The following CACNA2D3 variants were observed in gnomAD, a reference collection of about 807,000 sequenced individuals.
CACNA2D3 encodes the protein voltage-dependent calcium channel subunit alpha-2/delta-3.
CACNA2D3 carries 60 observed loss-of-function variants against 160.6 expected under a neutral mutation model. That is an observed-to-expected ratio of 0.37 (90% CI 0.30 to 0.46). The LOEUF (loss-of-function observed/expected upper bound fraction) is 0.46. CACNA2D3 is among the 20% of genes least tolerant of loss of function. CACNA2D3 has a pLI of 1.00. For missense variants in CACNA2D3, 1,205 were observed against 1,365.0 expected, an observed-to-expected ratio of 0.88 and a Z score of 1.85; for synonymous variants, 558 against 492.9, an observed-to-expected ratio of 1.13 and a Z score of -1.75.
intron 9 of CACNA2D3, among the ~76,000 whole-genome samples, chr3:54,591,036 T>A (rs1702849485): frequency 6.6e-6 from 1 of 152,198 alleles, no homozygotes; most frequent in African/African-American, 2.4e-5. Flanking sequence ...GGGATATGTT[T>A]AAATAATGCT....
chr3:55,033,715 A>ATAAAATATAAATAAAATAT (rs1703731248), intron 35 of CACNA2D3, among the ~76,000 whole-genome samples: 1 of 129,486 alleles, frequency 7.7e-6, no homozygotes, highest in Admixed American at 9.4e-5. Context: ...TATAATATAT[A>ATAAAATATAAATAAAATAT]TTATATATTA....
Position 54,313,671 on chromosome 3 carries a change from G to A in CACNA2D3, c.205-6771G>A, listed in dbSNP as rs1033385190. 2.6e-5 allele frequency among the ~76,000 whole-genome samples: 4 copies of A among 152,122 alleles called. No individual in the cohort carries two copies. The South Asian group carries it at 6.2e-4, about 24-fold the overall frequency. ...GGCAGTGAGCACTTCCTTGAGCCCC[G>A]GGAGTCTCCCCTCTGGACTTCCCTC... On this transcript the variant is annotated intron_variant, in intron 2 of 37. Transcript: ENST00000474759.
At chr3:55,056,892 G>T (rs1308688233) in intron 35 of CACNA2D3, among the ~76,000 whole-genome samples, 3 of 152,120 alleles carry the variant, frequency 2.0e-5, no homozygotes, top group East Asian at 1.9e-4. Flanking sequence ...GCACATCATG[G>T]TGAATATAGT....
chr3:54,242,932 A>T lies in CACNA2D3; in HGVS notation c.205-77510A>T, dbSNP rs139876207. The stretch of plus-strand genomic sequence containing the variant: ...CTCAGGCAAGCAGGGAATTTTGAAG[A>T]TGACTGACAGTAAAGCACCTTTAAC... On this transcript the variant is annotated intron_variant, in intron 2 of 37. Transcript: ENST00000474759. 3.6e-4 allele frequency among the ~76,000 whole-genome samples: 55 copies of T among 152,324 alleles called. No homozygotes were observed. The East Asian group carries it at 0.01, about 29-fold the overall frequency.
intron 11 of CACNA2D3, among the ~76,000 whole-genome samples, chr3:54,744,775 G>A (rs1300904792): frequency 1.3e-5 from 2 of 152,192 alleles, no homozygotes; most frequent in Non-Finnish European, 2.9e-5. Flanking sequence ...TGAAATGTGA[G>A]TGGGATGCAA....
intron 5 of CACNA2D3, among the ~76,000 whole-genome samples, chr3:54,508,451 C>A (rs6808154): frequency 0.87 from 131,704 of 152,178 alleles, 58,897 homozygotes; most frequent in Non-Finnish European, 0.98. Context: ...AGAGAGCAAG[C>A]TCCAGTGAGC....
At chr3:55,046,304 A>G (rs1575450347) in intron 35 of CACNA2D3, among the ~76,000 whole-genome samples, 1 of 110,050 alleles carries the variant, frequency 9.1e-6, no homozygotes, top group African/African-American at 3.8e-5. Flanking sequence ...TCCTGTGTCC[A>G]TGTGACCTCA....
chr3:55,073,535 C>A lies in CACNA2D3; in HGVS notation c.3078C>A (p.Thr1026=). The stretch of plus-strand genomic sequence containing the variant: ...TCTGTGAATCTGTGGCCCCCATCAC[C>A]ATGGCACCCATTGAAATCAGGTATA... ...SCLCESVAPI[T]MAPIEIRYNE... Residue 1026 remains threonine, a synonymous_variant, in exon 36 of 38, where the codon ACC becomes ACA. Coordinates refer to ENST00000474759, the MANE Select transcript of CACNA2D3 (RefSeq NM_018398.3). The A allele has an allele frequency of 1.2e-6, 2 of 1,613,764 alleles. No homozygotes were observed. Among genetic ancestry groups the A allele is most frequent in the Non-Finnish European group, 1.7e-6 (2 of 1,179,696 alleles).
intron 35 of CACNA2D3, among the ~76,000 whole-genome samples, chr3:55,021,651 A>G (rs1703454124): frequency 7.9e-6 from 1 of 126,670 alleles, no homozygotes; most frequent in African/African-American, 3.0e-5. Flanking sequence ...ATATGTGTAT[A>G]TATATATGTG....
At chr3:54,836,562 TTACCTTCTTCA>T (rs1446669038) in intron 14 of CACNA2D3, among the ~76,000 whole-genome samples, 2 of 152,188 alleles carry the variant, frequency 1.3e-5, no homozygotes, top group Non-Finnish European at 1.5e-5. Context: ...AGAGAAATGA[TTACCTTCTTCA>T]TCATGATTTT....
In CACNA2D3 at chr3:54,381,688, T is replaced by C. The variant is rs1699105519; in HGVS notation, c.322-5027T>C. On this transcript the variant is annotated intron_variant, in intron 3 of 37. Coordinates refer to ENST00000474759, the MANE Select transcript of CACNA2D3 (RefSeq NM_018398.3). ...GTTGTGCGGATATACATAGGGTCAT[T>C]GTAACAAGAAATAAGATGTGATTTT... Among the ~76,000 whole-genome samples the C allele has an allele frequency of 2.0e-5, 3 of 152,282 alleles. No individual in the cohort carries two copies. In the South Asian group the frequency reaches 6.2e-4, roughly 32 times the overall value.
intron 4 of CACNA2D3, among the ~76,000 whole-genome samples, chr3:54,392,836 C>T (rs1699304651): frequency 1.3e-5 from 2 of 152,168 alleles, no homozygotes; most frequent in South Asian, 2.1e-4. Context: ...AGCCCCAGCA[C>T]TCAGTGTAGA....
At chr3:54,333,656 C>T (rs1337098843) in intron 3 of CACNA2D3, among the ~76,000 whole-genome samples, 2 of 151,134 alleles carry the variant, frequency 1.3e-5, no homozygotes, top group Non-Finnish European at 2.9e-5. Flanking sequence ...CTGGGAAGTG[C>T]AGCCGCCTCT....
At chr3:54,230,988 G>A (rs1701759203) in intron 2 of CACNA2D3, among the ~76,000 whole-genome samples, 1 of 152,170 alleles carries the variant, frequency 6.6e-6, no homozygotes, top group Non-Finnish European at 1.5e-5. Context: ...TGATGATGGG[G>A]ACACATGGTG....
At chr3:54,317,987 A>C (rs1311583689) in intron 2 of CACNA2D3, among the ~76,000 whole-genome samples, 1 of 152,224 alleles carries the variant, frequency 6.6e-6, no homozygotes, top group Non-Finnish European at 1.5e-5. Context: ...TTGGGGATTA[A>C]GTTTCCAATA....
intron 11 of CACNA2D3, among the ~76,000 whole-genome samples, chr3:54,674,879 T>A (rs1001307597): frequency 2.6e-5 from 4 of 151,962 alleles, no homozygotes; most frequent in Non-Finnish European, 5.9e-5. Flanking sequence ...GCAGTAGAAG[T>A]CGGGTAGAAG....
chr3:54,205,373 G>T (rs1701256815), intron 2 of CACNA2D3, among the ~76,000 whole-genome samples: 1 of 152,186 alleles, frequency 6.6e-6, no homozygotes, highest in Non-Finnish European at 1.5e-5. Context: ...GATTACAGGT[G>T]TGATCCACTG....
chr3:54,164,081 A>G (rs2107300994), intron 2 of CACNA2D3, among the ~76,000 whole-genome samples: 1 of 152,304 alleles, frequency 6.6e-6, no homozygotes, highest in Non-Finnish European at 1.5e-5. Context: ...AGCCAGGTGA[A>G]GAGGAGATGC....
At chr3:54,194,658 G>T (rs1011562664) in intron 2 of CACNA2D3, among the ~76,000 whole-genome samples, 1 of 152,238 alleles carries the variant, frequency 6.6e-6, no homozygotes, top group African/African-American at 2.4e-5. Flanking sequence ...AGGCTGGGAA[G>T]TCCAAGATTA....
Sources: gnomAD v4.1 joint callset for allele counts (sites outside exome capture counted in the v4.1 genomes callset) on GRCh38, gnomAD v4.1.1 for gene constraint, MANE v1.5 for transcripts, NCBI Gene and HGNC (gene_info 2026-07-23, HGNC 2026-07-21) for gene names.